The following PLSCR2 variants were observed in gnomAD, a reference collection of about 807,000 sequenced individuals.
The protein encoded by PLSCR2 is phospholipid scramblase 2.
A neutral mutation model predicts 25.3 loss-of-function variants in PLSCR2; 18 were observed. The observed-to-expected ratio is 0.71, with a 90% CI of 0.49 to 1.06. PLSCR2 has a LOEUF of 1.06. Among genes scored for constraint, PLSCR2 ranks in the 50% least tolerant of loss-of-function variants. PLSCR2 has a pLI of 0.00. For synonymous variants in PLSCR2, 88 were observed against 87.3 expected, an observed-to-expected ratio of 1.01 and a Z score of -0.04; for missense variants, 243 against 269.5, an observed-to-expected ratio of 0.90 and a Z score of 0.69.
At chr3:146,465,108 G>C (rs1432361358), upstream of PLSCR2, among the ~76,000 whole-genome samples, 2 of 152,122 alleles carry the variant, frequency 1.3e-5, 1 homozygote, top group African/African-American at 4.8e-5. Flanking sequence ...TAATAAAGAA[G>C]TTCCCACTAC....
At chr3:146,433,932 C>T (rs1224187450) in intron 8 of PLSCR2, among the ~76,000 whole-genome samples, 2 of 152,104 alleles carry the variant, frequency 1.3e-5, no homozygotes, top group Non-Finnish European at 2.9e-5. Flanking sequence ...TTTGCTGAAG[C>T]TGAAAGGGAT....
chr3:146,399,444 A>C (rs12053987), intron 2 of PLSCR2, among the ~76,000 whole-genome samples: 78,665 of 151,298 alleles, frequency 0.52, 20,767 homozygotes, highest in South Asian at 0.71. Flanking sequence ...ATTATGTTAA[A>C]ACACACACAC....
At position 146,449,386 on chromosome 3, in the gene PLSCR2, AAAAACTT is replaced by A; in HGVS notation, c.484-26_484-20del. The A allele has an allele frequency of 6.5e-7, 1 of 1,543,350 alleles. No homozygotes were observed. On this transcript the variant is annotated intron_variant, in intron 5 of 6. Transcript: ENST00000610787. The stretch of plus-strand genomic sequence containing the variant: ...ATGTAATCTAAATTGCAAAAAAAAA[AAAAACTT>A]AAAAATTTCTAGAAAACTTATAGCA...
At chr3:146,420,645 T>G (rs562369923) in intron 2 of PLSCR2, among the ~76,000 whole-genome samples, 96 of 152,208 alleles carry the variant, frequency 6.3e-4, no homozygotes, top group African/African-American at 2.2e-3. Context: ...AGCAATATAT[T>G]GCTGCTGGTG....
At chr3:146,438,919 T>C (rs1159329700), downstream of PLSCR2, among the ~76,000 whole-genome samples, 22 of 152,210 alleles carry the variant, frequency 1.4e-4, no homozygotes, top group Non-Finnish European at 2.5e-4. Flanking sequence ...GTACCGGTTG[T>C]TCCTTTCAAT....
intron 3 of PLSCR2, among the ~76,000 whole-genome samples, chr3:146,457,596 A>AAG (rs2108385334): frequency 6.6e-6 from 1 of 152,338 alleles, no homozygotes; most frequent in South Asian, 2.1e-4. Flanking sequence ...CCAAACTCCC[A>AAG]AGAGAAACTG....
exon 2 of PLSCR2, chr3:146,459,927 C>T: frequency 6.2e-7 from 1 of 1,614,042 alleles, no homozygotes; most frequent in East Asian, 2.2e-5. Flanking sequence ...TTCAGGTCTA[C>T]CTGGCTGATT....
At chr3:146,404,921 T>G (rs1159467689) in intron 2 of PLSCR2, among the ~76,000 whole-genome samples, 1 of 151,984 alleles carries the variant, frequency 6.6e-6, no homozygotes, top group African/African-American at 2.4e-5. Flanking sequence ...TTTGATTCTA[T>G]GTCTTGCATC....
intron 2 of PLSCR2, among the ~76,000 whole-genome samples, chr3:146,412,135 T>C (rs1268162907): frequency 2.0e-5 from 3 of 152,138 alleles, no homozygotes; most frequent in Admixed American, 2.0e-4. Flanking sequence ...ACAGGGTTAG[T>C]AAAAACAAGG....
chr3:146,458,842 A>G (rs2108396480), intron 2 of PLSCR2, among the ~76,000 whole-genome samples: 1 of 152,224 alleles, frequency 6.6e-6, no homozygotes, highest in African/African-American at 2.4e-5. Context: ...ATTTTGTAGT[A>G]AGTGATAATT....
intron 5 of PLSCR2, among the ~76,000 whole-genome samples, chr3:146,453,243 C>T (rs972396581): frequency 6.6e-5 from 10 of 151,910 alleles, no homozygotes; most frequent in Admixed American, 1.3e-4. Context: ...AGTGAGGTAG[C>T]CCTACTCAAC....
At chr3:146,428,307 G>A (rs2039425933), downstream of PLSCR2, among the ~76,000 whole-genome samples, 1 of 152,120 alleles carries the variant, frequency 6.6e-6, no homozygotes, top group South Asian at 2.1e-4. Flanking sequence ...ACTGATGTTT[G>A]TTTTCTACCT....
intron 1 of PLSCR2, among the ~76,000 whole-genome samples, chr3:146,486,790 G>A (rs570127436): frequency 6.6e-4 from 100 of 152,074 alleles, no homozygotes; most frequent in Non-Finnish European, 1.1e-3. Flanking sequence ...CAACTGAAAG[G>A]AAGGACTCCT....
intron 5 of PLSCR2, 71 bp downstream of exon 5, chr3:146,453,931 T>C: frequency 8.0e-7 from 1 of 1,246,746 alleles, no homozygotes; most frequent in Admixed American, 2.5e-5. Flanking sequence ...TTTAAGGCAT[T>C]CATAATATTC....
At chr3:146,441,488 A>T (rs1284087899), downstream of PLSCR2, among the ~76,000 whole-genome samples, 1 of 151,990 alleles carries the variant, frequency 6.6e-6, no homozygotes, top group Non-Finnish European at 1.5e-5. Flanking sequence ...TTTCAAAGGA[A>T]GTTTTGTATC....
Position 146,423,282 on chromosome 3 carries a change from T to TCCCC in PLSCR2, c.101-27362_101-27361insGGGG, listed in dbSNP as rs1553771116. Among the ~76,000 whole-genome samples the TCCCC allele has an allele frequency of 7.9e-5, 8 of 101,004 alleles. 2 individuals carry two copies. In the East Asian group the frequency reaches 8.8e-4, roughly 11 times the overall value. The allele number at this position is 101,004 out of a possible 152,430, so 66.3% of individuals were successfully genotyped here. A position where few individuals can be genotyped will look rare whatever the true frequency, so the allele number is the denominator to read the frequency against. On this transcript the variant is annotated intron_variant and NMD_transcript_variant, in intron 2 of 3. Transcript: ENST00000463633. ...CTCTCTCTCTCTCTCTCTCTCTCTCTCCCTGGCTAGATTCTCACAAGAAAC... is the reference window on the plus strand; with the variant it reads ...CTCTCTCTCTCTCTCTCTCTCTCTCTCCCCCCCTGGCTAGATTCTCACAAGAAAC...
chr3:146,415,150 C>T (rs1448564997), intron 2 of PLSCR2: 1 of 152,552 alleles, frequency 6.6e-6, no homozygotes, highest in Non-Finnish European at 1.5e-5. Flanking sequence ...AATGTTGACA[C>T]ACTGTTAACT....
chr3:146,450,991 G>A (rs1257599947), intron 5 of PLSCR2, among the ~76,000 whole-genome samples: 1 of 150,192 alleles, frequency 6.7e-6, no homozygotes, highest in Non-Finnish European at 1.5e-5. Flanking sequence ...GATAATTTTA[G>A]CTAAATTCTA....
chr3:146,494,904 G>C (rs998321631), intron 1 of PLSCR2: 10 of 152,170 alleles, frequency 6.6e-5, no homozygotes, highest in Non-Finnish European at 1.2e-4. Flanking sequence ...TGGGTTCACT[G>C]TAGAAACTTG....
Sources: allele counts gnomAD v4.1 joint callset (sites outside exome capture counted in the v4.1 genomes callset), GRCh38; gene constraint gnomAD v4.1.1; transcripts MANE v1.5; gene names NCBI Gene and HGNC (gene_info 2026-07-23, HGNC 2026-07-21).